The following KMT2C variants were observed in gnomAD, a reference collection of about 807,000 sequenced individuals.
KMT2C encodes histone-lysine N-methyltransferase 2C.
Under a neutral mutation model 507.9 loss-of-function variants are expected in KMT2C, and 88 were observed. The observed-to-expected ratio is 0.17, with a 90% CI of 0.15 to 0.21. KMT2C has a LOEUF of 0.21. Ranked by LOEUF, KMT2C falls within the 10% of genes least tolerant of loss-of-function variation. KMT2C has a pLI of 1.00. For missense variants in KMT2C, 4,954 were observed against 5,957.8 expected (o/e 0.83, Z 5.55); for synonymous variants, 2,049 against 2,080.8 (o/e 0.98, Z 0.42).
At position 152,171,332 on chromosome 7, in the gene KMT2C, TA is replaced by T; in HGVS notation, c.9384del (p.Phe3128LeufsTer6). On this transcript the variant is annotated frameshift_variant, in exon 40 of 59. Coordinates refer to ENST00000262189, the MANE Select transcript of KMT2C (RefSeq NM_170606.3). LOFTEE classifies it high-confidence loss of function. The stretch of plus-strand genomic sequence containing the variant: ...TGTGTTCCAGTTACCACCTGGCCCA[TA>T]AAAGGGAACCTGTCAAAACAGGGTA... ...MPPMVMSRFPFMGQVVTGTQN... is the reference protein window; with the variant it reads ...MPPMVMSRFPXMGQVVTGTQN... 1 of 1,603,712 alleles carries T rather than the reference TA, an allele frequency of 6.2e-7. No individual in the cohort carries two copies. The highest frequency in any genetic ancestry group is 2.3e-5 in the East Asian group (1 of 44,394).
At chr7:152,312,075 T>A (rs1383504072) in intron 4 of KMT2C, 129 bp from the exon 5 acceptor site, 1 of 619,222 alleles carries the variant, frequency 1.6e-6, no homozygotes, top group Non-Finnish European at 2.6e-6. Flanking sequence ...TAAAACAACT[T>A]TTAGAATTCA....
Position 152,181,327 on chromosome 7 carries a change from G to A in KMT2C, c.6533C>T (p.Pro2178Leu), listed in dbSNP as rs911225070. ...PTTVDPYSQQ[P>L]QTPRPSTQTD... ...TTGTGTAGATGGTCTTGGGGTTTGG[G>A]GCTGCTGACTATATGGGTCAACAGT... Residue 2178 changes from proline (P) to leucine (L), a missense_variant, in exon 36 of 59, where the codon CCC becomes CTC. Pro to Leu is a moderately conservative substitution (Grantham distance 98, BLOSUM62 -3). This residue lies in a region of KMT2C where 1,689 missense variants were observed against 1,654.3 expected (regional missense o/e 1.02). Transcript: ENST00000262189. The A allele has an allele frequency of 1.9e-6, 3 of 1,612,732 alleles. No individual in the cohort carries two copies. The highest frequency in any genetic ancestry group is 2.7e-5 in the African/African-American group (2 of 74,366).
chr7:152,323,310 G>A (rs913965999), intron 3 of KMT2C, among the ~76,000 whole-genome samples: 1 of 151,888 alleles, frequency 6.6e-6, no homozygotes, highest in Non-Finnish European at 1.5e-5. Flanking sequence ...AAGAAAACAT[G>A]GTATATATAA....
At chr7:152,417,951 TAAAAAAA>T (rs748980838) in intron 1 of KMT2C, among the ~76,000 whole-genome samples, 7 of 110,968 alleles carry the variant, frequency 6.3e-5, no homozygotes, top group Non-Finnish European at 8.9e-5. Flanking sequence ...CTCTTTCTTT[TAAAAAAA>T]AAAAAAAAAA....
intron 16 of KMT2C, among the ~76,000 whole-genome samples, chr7:152,235,207 G>GTATA (rs71533554): frequency 0.019 from 2,769 of 142,484 alleles, 154 homozygotes; most frequent in African/African-American, 0.072. Context: ...TTTCAAGGGT[G>GTATA]TATATATATA....
intron 27 of KMT2C, among the ~76,000 whole-genome samples, chr7:152,198,045 TAGTTATGAG>T (rs2094015722): frequency 6.6e-6 from 1 of 152,224 alleles, no homozygotes; most frequent in East Asian, 1.9e-4. Context: ...TCAAAGTGGC[TAGTTATGAG>T]AGTTATAAGA....
Position 152,148,325 on chromosome 7 carries a change from C to G in KMT2C, c.13602G>C (p.Gln4534His), listed in dbSNP as rs2129095095. ...RVYVQRDEVR[Q>H]IASIVQRGER... ...CTCCTCGTTGCACGATGCTAGCAATCTGTCGCACCTCATCACGCTGAACAT... is the reference window on the plus strand; with the variant it reads ...CTCCTCGTTGCACGATGCTAGCAATGTGTCGCACCTCATCACGCTGAACAT... The change falls in exon 52 of 59, where the codon CAG becomes CAC. Residue 4534 changes from glutamine to histidine, a missense_variant. This residue lies in a region of KMT2C where 221 missense variants were observed against 304.7 expected (regional missense o/e 0.73). Transcript: ENST00000262189. The surrounding 1 kb of genome is among the most constrained non-coding windows in gnomAD (Gnocchi z 7.1). 1 of 1,614,276 alleles carries G rather than the reference C, an allele frequency of 6.2e-7. No homozygotes were observed. The highest frequency in any genetic ancestry group is 8.5e-7 in the Non-Finnish European group (1 of 1,180,052).
chr7:152,139,406 C>T, intron 56 of KMT2C, 147 bp from the exon 57 acceptor site: 1 of 714,408 alleles, frequency 1.4e-6, no homozygotes, highest in Middle Eastern at 2.4e-4. Flanking sequence ...GCACAGATGA[C>T]ATTTACATGG....
chr7:152,301,624 T>C (rs1274938528), intron 6 of KMT2C, among the ~76,000 whole-genome samples: 1 of 152,168 alleles, frequency 6.6e-6, no homozygotes, highest in Non-Finnish European at 1.5e-5. Context: ...GAAGTCAAGG[T>C]TGCAGTAAGC....
intron 23 of KMT2C, among the ~76,000 whole-genome samples, chr7:152,214,733 A>C (rs2094531884): frequency 6.6e-6 from 1 of 151,400 alleles, no homozygotes; most frequent in Non-Finnish European, 1.5e-5. Flanking sequence ...CTTAATAAGC[A>C]GAATGGTAGG....
intron 6 of KMT2C, among the ~76,000 whole-genome samples, chr7:152,283,191 C>T (rs2096248243): frequency 6.6e-6 from 1 of 152,288 alleles, no homozygotes; most frequent in Non-Finnish European, 1.5e-5. Flanking sequence ...TTCTTAAAAG[C>T]TCATAATGTA....
chr7:152,431,367 G>A (rs1246867697), intron 1 of KMT2C, among the ~76,000 whole-genome samples: 2 of 152,062 alleles, frequency 1.3e-5, no homozygotes, highest in Non-Finnish European at 2.9e-5. Context: ...GGGAGGCCCA[G>A]GCAGGCAGAT....
chr7:152,195,340 C>A (rs1304373870), intron 28 of KMT2C, among the ~76,000 whole-genome samples: 2 of 151,908 alleles, frequency 1.3e-5, no homozygotes, highest in East Asian at 3.9e-4. Context: ...GAAAGTCACC[C>A]GAAGTACAGT....
rs1161757615 is a variant in KMT2C at position 152,139,395 on chromosome 7, G to A, written c.14461-136C>T. On this transcript the variant is annotated intron_variant, in intron 56 of 58. Transcript: ENST00000262189. The stretch of plus-strand genomic sequence containing the variant: ...CATCCTTACTGTGGATATTCTATTA[G>A]GCACAGATGACATTTACATGGCACG... 4.0e-6 allele frequency: 3 copies of A among 750,360 alleles called. No individual in the cohort carries two copies. In the East Asian group the frequency reaches 7.8e-5, roughly 19 times the overall value. The allele number at this position is 750,360 out of a possible 1,614,324, so 46.5% of individuals were successfully genotyped here.
intron 55 of KMT2C, among the ~76,000 whole-genome samples, chr7:152,141,746 C>T (rs997226124): frequency 4.7e-5 from 7 of 149,422 alleles, no homozygotes; most frequent in Non-Finnish European, 7.4e-5. Flanking sequence ...ATGCCAGCCA[C>T]GGGGGCTCAT....
intron 1 of KMT2C, among the ~76,000 whole-genome samples, chr7:152,428,392 C>G (rs1300022829): frequency 6.8e-6 from 1 of 148,096 alleles, no homozygotes; most frequent in African/African-American, 2.5e-5. Context: ...GCAGGTGGAT[C>G]ACCTGAGGTC....
intron 14 of KMT2C, among the ~76,000 whole-genome samples, chr7:152,241,979 TATC>T (rs763129046): frequency 5.3e-5 from 8 of 152,284 alleles, no homozygotes; most frequent in Admixed American, 3.9e-4. Flanking sequence ...GAAGAAAAAT[TATC>T]ATTATACTTA....
intron 55 of KMT2C, among the ~76,000 whole-genome samples, chr7:152,142,792 T>TCTGTA (rs1163825533): frequency 6.6e-6 from 1 of 152,228 alleles, no homozygotes. Context: ...GAGAGGGACC[T>TCTGTA]CTGATTATTA....
In KMT2C at chr7:152,250,886, C is replaced by A; in HGVS notation, c.1702G>T (p.Gly568Cys). 6.2e-7 allele frequency: 1 copy of A among 1,607,152 alleles called. No individual in the cohort carries two copies. The highest frequency in any genetic ancestry group is 8.5e-7 in the Non-Finnish European group (1 of 1,173,802). Reference sequence around the variant, plus strand: ...ACAATTCCAGGAGTGGACTCCTGACCGTTGACATCTTTATTAGCTGCCTGC... The same window carrying A: ...ACAATTCCAGGAGTGGACTCCTGACAGTTGACATCTTTATTAGCTGCCTGC... ...SEQAANKDVN[G>C]QESTPGIVPD... The change falls in exon 12 of 59, where the codon GGT becomes TGT. Residue 568 changes from glycine (G) to cysteine (C), a missense_variant. Transcript: ENST00000262189.
Sources: gnomAD v4.1 joint callset for allele counts (sites outside exome capture counted in the v4.1 genomes callset) on GRCh38, gnomAD v4.1.1 for gene constraint, gnomAD v4.1.1 regional missense constraint, Gnocchi (gnomAD v3.1) non-coding constraint, MANE v1.5 for transcripts, NCBI Gene and HGNC (gene_info 2026-07-23, HGNC 2026-07-21) for gene names.